Variants in NEURL3 observed in about 807,000 individuals in gnomAD.
NEURL3 encodes the protein neuralized E3 ubiquitin protein ligase 3, also known as E3 ubiquitin-protein ligase NEURL3.
A neutral mutation model predicts 17.6 loss-of-function variants in NEURL3; 19 were observed. That is an observed-to-expected ratio of 1.08 (90% CI 0.75 to 1.58). The LOEUF is 1.58. Among genes scored for constraint, NEURL3 ranks in the 40% most tolerant of loss-of-function variants. The pLI, the probability that NEURL3 is intolerant of heterozygous loss-of-function variation, is 0.00. For missense variants in NEURL3, 342 were observed against 379.6 expected, an observed-to-expected ratio of 0.90 and a Z score of 0.82; for synonymous variants, 180 against 161.4, an observed-to-expected ratio of 1.11 and a Z score of -0.87.
At position 96,500,492 on chromosome 2, in the gene NEURL3, G is replaced by A. The variant is rs770157328; in HGVS notation, c.461C>T (p.Pro154Leu). The part of the protein sequence containing the change: ...LLREGVPVGA[P>L]LWAVMDVYGT... The stretch of plus-strand genomic sequence containing the variant: ...ATACACGTCCATCACGGCCCAGAGC[G>A]GGGCGCCGACGGGCACGCCCTCACG... Residue 154 changes from proline (P) to leucine (L), a missense_variant, in exon 2 of 4, where the codon CCG becomes CTG. Transcript: ENST00000451794. 5.6e-6 allele frequency: 9 copies of A among 1,595,090 alleles called. No individual in the cohort carries two copies. Among genetic ancestry groups the A allele is most frequent in the Non-Finnish European group, 7.6e-6 (9 of 1,178,506 alleles).
chr2:96,500,620 C>A lies in NEURL3; in HGVS notation c.333G>T (p.Val111=). The change falls in exon 2 of 4, where the codon GTG becomes GTT. Residue 111 remains valine (V), a synonymous_variant. Coordinates refer to ENST00000451794, the MANE Select transcript of NEURL3 (RefSeq NM_001285485.2). ...CAGTGAGCGCGCAGCCCTCAGGCAG[C>A]ACGGCCGCCCACGTCGGGCTCTGCT... is the stretch of plus-strand genomic sequence containing the variant. ...LEEQSPTWAA[V]LPEGCALTGD... 1 of 1,517,714 alleles carries A rather than the reference C, an allele frequency of 6.6e-7. No individual in the cohort carries two copies. Among genetic ancestry groups the A allele is most frequent in the South Asian group, 1.2e-5 (1 of 80,864 alleles). 94.0% of individuals were successfully genotyped at this position (1,517,714 alleles called of 1,614,324 possible). A position where few individuals can be genotyped will look rare whatever the true frequency, so the allele number is the denominator to read the frequency against.
chr2:96,508,048 G>A (rs1437247865), upstream of NEURL3: 26 of 152,282 alleles, frequency 1.7e-4, no homozygotes, highest in Non-Finnish European at 1.5e-5. Context: ...ACTGGACTGC[G>A]CGGGCACAGA....
rs1026163454 is a variant in NEURL3 at position 96,500,551 on chromosome 2, G to A, written c.402C>T (p.Phe134=). 3 of 1,563,818 alleles carry A rather than the reference G, an allele frequency of 1.9e-6. No individual in the cohort carries two copies. Among genetic ancestry groups the A allele is most frequent in the African/African-American group, 2.7e-5 (2 of 74,026 alleles). ...RFWVDRRGCL[F]AKVNAGCRLL... ...GCCGGCAGCCGGCGTTGACCTTGGC[G>A]AAGAGGCAGCCGCGGCGGTCCACCC... Residue 134 remains phenylalanine (F), a synonymous_variant, in exon 2 of 4, where the codon TTC becomes TTT. Coordinates refer to ENST00000451794, the MANE Select transcript of NEURL3 (RefSeq NM_001285485.2).
Position 96,498,183 on chromosome 2 carries a change from C to T in NEURL3, c.*61G>A. On this transcript the variant is annotated 3_prime_UTR_variant, in exon 4 of 4. Transcript: ENST00000451794. This position sits in a 1 kb window ranked among gnomAD's most constrained non-coding sequence, Gnocchi z 4.4. ...GAAGGTAGGGCTGCGCCTCCTTCCT[C>T]TCTGCAGGGGCCAGACTCAGATCTA... 3 of 1,435,694 alleles carry T rather than the reference C, an allele frequency of 2.1e-6. No homozygotes were observed. The highest frequency in any genetic ancestry group is 2.8e-6 in the Non-Finnish European group (3 of 1,086,048). 88.9% of individuals were successfully genotyped at this position (1,435,694 alleles called of 1,614,324 possible).
Position 96,500,600 on chromosome 2 carries a change from A to AGC in NEURL3, c.351_352dup (p.Leu118ArgfsTer42), listed in dbSNP as rs2065494448. The AGC allele has an allele frequency of 6.5e-7, 1 of 1,527,700 alleles. No homozygotes were observed. The highest frequency in any genetic ancestry group is 1.4e-5 in the African/African-American group (1 of 72,672). 94.6% of individuals were successfully genotyped at this position (1,527,700 alleles called of 1,614,324 possible). On this transcript the variant is annotated frameshift_variant, in exon 2 of 4. Transcript: ENST00000451794. LOFTEE classifies it high-confidence loss of function. ...CCAGAAGCGGACCAAGTCCCCAGTG[A>AGC]GCGCGCAGCCCTCAGGCAGCACGGC...
At chr2:96,505,764 G>A (rs114077132), upstream of NEURL3, among the ~76,000 whole-genome samples, 39 of 152,322 alleles carry the variant, frequency 2.6e-4, no homozygotes, top group Non-Finnish European at 4.6e-4. Flanking sequence ...AGCAGACCCT[G>A]GCACACAGAA....
rs999395934 is a variant in NEURL3 at position 96,499,395 on chromosome 2, G to A, written c.569C>T (p.Ala190Val). The change falls in exon 3 of 4, where the codon GCT becomes GTT. Residue 190 changes from alanine to valine, a missense_variant. Physicochemically the swap from Ala to Val is moderately conservative, Grantham distance 64. Transcript: ENST00000451794. ...GCACTCACCTTTGGGCTCAGGCACA[G>A]CCTTGTTGCTGAGGTCCCATGGCAT... ...TPMPWDLSNK[A>V]VPEPKATPGE... is the part of the protein sequence containing the mutation. 1 of 1,599,548 alleles carries A rather than the reference G, an allele frequency of 6.3e-7. No homozygotes were observed. The highest frequency in any genetic ancestry group is 1.1e-5 in the South Asian group (1 of 91,084).
upstream of NEURL3, among the ~76,000 whole-genome samples, chr2:96,507,214 T>C (rs2065568200): frequency 6.6e-6 from 1 of 152,154 alleles, no homozygotes; most frequent in Admixed American, 6.5e-5. Context: ...CCTTCCCCCT[T>C]TAGCCAATCA....
chr2:96,507,262 T>A (rs1389711741), upstream of NEURL3, among the ~76,000 whole-genome samples: 2 of 152,188 alleles, frequency 1.3e-5, no homozygotes, highest in Admixed American at 1.3e-4. Flanking sequence ...AACCAACGCA[T>A]AAAAATACAT....
At chr2:96,504,518 C>T (rs1437711921) in intron 1 of NEURL3, 1 of 152,242 alleles carries the variant, frequency 6.6e-6, no homozygotes, top group African/African-American at 2.4e-5. Flanking sequence ...AGCCCAGGCT[C>T]CCAGCTCTTT....
At chr2:96,507,444 C>A (rs2065569905), upstream of NEURL3, among the ~76,000 whole-genome samples, 1 of 152,288 alleles carries the variant, frequency 6.6e-6, no homozygotes, top group African/African-American at 2.4e-5. Context: ...TCCTCCCCTG[C>A]AGAATGCTAC....
At chr2:96,499,959 G>T (rs556714567) in intron 2 of NEURL3, 225 of 189,714 alleles carry the variant, frequency 1.2e-3, no homozygotes, top group Middle Eastern at 8.9e-3. Context: ...GCCTCTCTGT[G>T]CTCTCCTGAA....
At chr2:96,499,829 C>T (rs1206539960) in intron 2 of NEURL3, among the ~76,000 whole-genome samples, 1 of 151,790 alleles carries the variant, frequency 6.6e-6, no homozygotes, top group East Asian at 1.9e-4. Context: ...AAATCAGGTG[C>T]TTCAGGTGTG....
chr2:96,501,751 G>T (rs902580763), intron 1 of NEURL3, among the ~76,000 whole-genome samples: 1 of 152,166 alleles, frequency 6.6e-6, no homozygotes, highest in African/African-American at 2.4e-5. Context: ...CAGGAAGCTG[G>T]TGGGGCTTCC....
At chr2:96,500,384 C>T (rs776839839) in intron 2 of NEURL3, 55 bp downstream of exon 2, 2 of 1,589,078 alleles carry the variant, frequency 1.3e-6, no homozygotes, top group South Asian at 2.2e-5. Flanking sequence ...GTGTGGGGTG[C>T]CACTGGAGCC....
At chr2:96,502,472 G>T (rs2065519017) in intron 1 of NEURL3, among the ~76,000 whole-genome samples, 1 of 152,226 alleles carries the variant, frequency 6.6e-6, no homozygotes, top group Non-Finnish European at 1.5e-5. Context: ...GTCCTCCAGG[G>T]CCCAGCCTCC....
chr2:96,505,756 C>T (rs2065555956), upstream of NEURL3, among the ~76,000 whole-genome samples: 1 of 152,208 alleles, frequency 6.6e-6, no homozygotes, highest in African/African-American at 2.4e-5. Context: ...TTCACTGCAG[C>T]AGACCCTGGC....
upstream of NEURL3, among the ~76,000 whole-genome samples, chr2:96,505,652 C>G (rs971457462): frequency 1.3e-5 from 2 of 152,216 alleles, no homozygotes; most frequent in African/African-American, 4.8e-5. Flanking sequence ...GCCCCGCCCC[C>G]AAAGACTCCG....
intron 1 of NEURL3, among the ~76,000 whole-genome samples, chr2:96,505,035 A>G (rs1211719518): frequency 6.6e-6 from 1 of 152,100 alleles, no homozygotes; most frequent in Non-Finnish European, 1.5e-5. Context: ...GATCCCTGTA[A>G]GCCAGCAGGC....
Sources: allele counts gnomAD v4.1 joint callset (sites outside exome capture counted in the v4.1 genomes callset), GRCh38; gene constraint gnomAD v4.1.1; non-coding constraint Gnocchi (gnomAD v3.1); transcripts MANE v1.5; gene names NCBI Gene and HGNC (gene_info 2026-07-23, HGNC 2026-07-21).